The following ARHGAP44 variants were observed in gnomAD, a reference collection of about 807,000 sequenced individuals.
ARHGAP44 encodes the protein Rho GTPase activating protein 44.
ARHGAP44 carries 43 observed loss-of-function variants against 106.8 expected under a neutral mutation model. The ratio of observed to expected loss-of-function variants is 0.40; its 90% CI spans 0.32 to 0.52. The LOEUF (loss-of-function observed/expected upper bound fraction) is 0.52. Among genes scored for constraint, ARHGAP44 ranks in the 20% least tolerant of loss-of-function variants. The pLI is 0.48. For synonymous variants in ARHGAP44, 439 were observed against 410.3 expected, an observed-to-expected ratio of 1.07 and a Z score of -0.85; for missense variants, 866 against 1,050.5, an observed-to-expected ratio of 0.82 and a Z score of 2.43.
At chr17:12,888,091 G>T (rs2036935155) in intron 1 of ARHGAP44, among the ~76,000 whole-genome samples, 1 of 151,646 alleles carries the variant, frequency 6.6e-6, no homozygotes, top group Non-Finnish European at 1.5e-5. Flanking sequence ...TTGTTGTTGT[G>T]TTGTTGTTGT....
At chr17:12,804,377 G>T (rs1007742956) in intron 1 of ARHGAP44, among the ~76,000 whole-genome samples, 8 of 152,146 alleles carry the variant, frequency 5.3e-5, no homozygotes, top group Non-Finnish European at 1.0e-4. Context: ...ATGATGACTG[G>T]CTTAGATCCA....
intron 1 of ARHGAP44, among the ~76,000 whole-genome samples, chr17:12,861,567 G>A (rs910019797): frequency 6.6e-6 from 1 of 151,592 alleles, no homozygotes; most frequent in African/African-American, 2.4e-5. Flanking sequence ...ACTGGGTTGT[G>A]CTGTCCTCAT....
chr17:12,861,655 T>TTTTTTTTTTTTTTTTTTTTG (rs748243626), intron 1 of ARHGAP44, among the ~76,000 whole-genome samples: 1 of 14,922 alleles, frequency 6.7e-5, no homozygotes, highest in Admixed American at 1.1e-3. Context: ...TTTTTTTTTT[T>TTTTTTTTTTTTTTTTTTTTG]TTTGAGATGG....
At chr17:12,806,375 A>G (rs769380767) in intron 1 of ARHGAP44, among the ~76,000 whole-genome samples, 53 of 152,128 alleles carry the variant, frequency 3.5e-4, no homozygotes, top group Non-Finnish European at 5.7e-4. Context: ...TAAATTCTTC[A>G]TGTTGGGAAT....
At chr17:12,934,973 T>C (rs2038504168) in intron 7 of ARHGAP44, among the ~76,000 whole-genome samples, 1 of 152,110 alleles carries the variant, frequency 6.6e-6, no homozygotes, top group South Asian at 2.1e-4. Context: ...CTTCAACAAA[T>C]TCAAATAATT....
At chr17:12,839,624 G>A (rs1034647306) in intron 1 of ARHGAP44, among the ~76,000 whole-genome samples, 2 of 152,162 alleles carry the variant, frequency 1.3e-5, no homozygotes, top group Non-Finnish European at 2.9e-5. Flanking sequence ...CAAACCAGAT[G>A]AGTGGAAATC....
At chr17:12,890,879 T>G (rs2037025475) in intron 1 of ARHGAP44, among the ~76,000 whole-genome samples, 2 of 152,202 alleles carry the variant, frequency 1.3e-5, no homozygotes, top group South Asian at 4.1e-4. Context: ...TCTTCCACCA[T>G]GTATCCTAGT....
rs760161291 is a variant in ARHGAP44 at position 12,958,989 on chromosome 17, G to A, written c.1523+92G>A. The A allele has an allele frequency of 7.1e-7, 1 of 1,408,486 alleles. No individual in the cohort carries two copies. Among genetic ancestry groups the A allele is most frequent in the South Asian group, 1.2e-5 (1 of 80,584 alleles). 87.2% of individuals were successfully genotyped at this position (1,408,486 alleles called of 1,614,324 possible). A position where few individuals can be genotyped will look rare whatever the true frequency, so the allele number is the denominator to read the frequency against. ...CATAAGAAAAATACAATTACGGGAAGGCTGCACTGACTCTCAGCAGTTTAG... is the reference window on the plus strand; with the variant it reads ...CATAAGAAAAATACAATTACGGGAAAGCTGCACTGACTCTCAGCAGTTTAG... On this transcript the variant is annotated intron_variant, in intron 16 of 20. Transcript: ENST00000379672. This position sits in a 1 kb window ranked among gnomAD's most constrained non-coding sequence, Gnocchi z 4.1.
At chr17:12,914,503 G>A (rs2037843446) in intron 4 of ARHGAP44, among the ~76,000 whole-genome samples, 1 of 152,156 alleles carries the variant, frequency 6.6e-6, no homozygotes, top group African/African-American at 2.4e-5. Context: ...GTAAGCTCCA[G>A]ACATAATGAT....
intron 13 of ARHGAP44, among the ~76,000 whole-genome samples, chr17:12,954,563 A>T (rs1277992359): frequency 6.6e-6 from 1 of 152,210 alleles, no homozygotes; most frequent in Non-Finnish European, 1.5e-5. Flanking sequence ...AAGTGATTAC[A>T]TGGTAGGACA....
At chr17:12,915,634 A>G (rs1428278199) in intron 4 of ARHGAP44, among the ~76,000 whole-genome samples, 1 of 152,192 alleles carries the variant, frequency 6.6e-6, no homozygotes, top group Non-Finnish European at 1.5e-5. Flanking sequence ...GTTTATAGGC[A>G]TGTGTGTCTG....
chr17:12,938,709 C>T (rs567599989), intron 7 of ARHGAP44, among the ~76,000 whole-genome samples: 3 of 151,020 alleles, frequency 2.0e-5, no homozygotes, highest in African/African-American at 7.3e-5. Flanking sequence ...GCATTAAATT[C>T]TGTTGATTAA....
intron 16 of ARHGAP44, among the ~76,000 whole-genome samples, chr17:12,970,329 G>C (rs1452998811): frequency 1.4e-5 from 2 of 141,140 alleles, no homozygotes; most frequent in Non-Finnish European, 3.0e-5. Context: ...TTATGTCACT[G>C]CAGTCCAGCC....
chr17:12,828,471 G>A (rs1309834434), intron 1 of ARHGAP44, among the ~76,000 whole-genome samples: 1 of 151,986 alleles, frequency 6.6e-6, no homozygotes, highest in African/African-American at 2.4e-5. Flanking sequence ...AGATAATCAT[G>A]TAGGTTTTCT....
At chr17:12,906,185 T>C (rs995587953) in intron 3 of ARHGAP44, among the ~76,000 whole-genome samples, 7 of 152,198 alleles carry the variant, frequency 4.6e-5, no homozygotes, top group African/African-American at 1.7e-4. Flanking sequence ...ACTGGAATAT[T>C]ATGCCTGCTT....
intron 16 of ARHGAP44, among the ~76,000 whole-genome samples, chr17:12,970,038 T>C (rs2039486437): frequency 6.6e-6 from 1 of 152,062 alleles, no homozygotes; most frequent in South Asian, 2.1e-4. Flanking sequence ...GGGAAGATTG[T>C]TCTTCAGTGG....
intron 4 of ARHGAP44, among the ~76,000 whole-genome samples, chr17:12,913,925 C>T (rs183135888): frequency 0.012 from 1,625 of 140,072 alleles, 25 homozygotes; most frequent in African/African-American, 0.041. Flanking sequence ...GCCAAGTACG[C>T]GTCACTGCAC....
intron 4 of ARHGAP44, 63 bp downstream of exon 4, chr17:12,909,036 G>A: frequency 7.3e-7 from 1 of 1,378,926 alleles, no homozygotes; most frequent in African/African-American, 1.5e-5. Flanking sequence ...CGTGAAAAGG[G>A]GACTAGACCC....
At chr17:12,814,629 G>T (rs774347745) in intron 1 of ARHGAP44, among the ~76,000 whole-genome samples, 1 of 152,044 alleles carries the variant, frequency 6.6e-6, no homozygotes, top group African/African-American at 2.4e-5. Context: ...AGACAAGCAA[G>T]TTCATATATT....
Sources: gnomAD v4.1 joint callset for allele counts (sites outside exome capture counted in the v4.1 genomes callset) on GRCh38, gnomAD v4.1.1 for gene constraint, Gnocchi (gnomAD v3.1) non-coding constraint, MANE v1.5 for transcripts, NCBI Gene and HGNC (gene_info 2026-07-23, HGNC 2026-07-21) for gene names.